CHD8: variants seen among roughly 807,000 people sequenced by gnomAD.
CHD8 encodes ATP-dependent chromatin remodeler CHD8.
A neutral mutation model predicts 279.2 loss-of-function variants in CHD8; 31 were observed. That is an observed-to-expected ratio of 0.11 (90% CI 0.08 to 0.15). The LOEUF is 0.15. Ranked by LOEUF, CHD8 falls within the 10% of genes least tolerant of loss-of-function variation. The pLI is 1.00. For missense variants in CHD8, 2,146 were observed against 3,230.5 expected (o/e 0.66, Z 8.14); for synonymous variants, 1,081 against 1,139.6 (o/e 0.95, Z 1.04).
chr14:21,452,647 GA>G lies in CHD8; in HGVS notation c.-216+3384del, dbSNP rs1348233856. Reference sequence around the variant, plus strand: ...AGACACAGGGAGACTTGTCTCAAAAGAAAAAAAAAAAAGAAAACTTCATACA... The same window carrying G: ...AGACACAGGGAGACTTGTCTCAAAAGAAAAAAAAAAAGAAAACTTCATACA... On this transcript the variant is annotated intron_variant, in intron 1 of 37. Coordinates refer to ENST00000646647, the MANE Select transcript of CHD8 (RefSeq NM_001170629.2). 7.0e-3 allele frequency among the ~76,000 whole-genome samples: 936 copies of G among 132,912 alleles called. 10 individuals are homozygous for G. The highest frequency in any genetic ancestry group is 0.023 in the African/African-American group (832 of 36,754). 87.2% of individuals were successfully genotyped at this position (132,912 alleles called of 152,430 possible).
In CHD8 at chr14:21,395,827, T is replaced by G. The variant is rs2139452291; in HGVS notation, c.5117A>C (p.Gln1706Pro). The change falls in exon 28 of 38, where the codon CAA becomes CCA. Residue 1706 changes from glutamine (Q) to proline (P), a missense_variant. This residue lies in a region of CHD8 where 75 missense variants were observed against 81.3 expected (regional missense o/e 0.92). Coordinates refer to ENST00000646647, the MANE Select transcript of CHD8 (RefSeq NM_001170629.2). ...ATGAGAATTCCTTACCTCATCATCTTGGTCCTTTGGGGGACCTTGGAGTGG... is the reference window on the plus strand; with the variant it reads ...ATGAGAATTCCTTACCTCATCATCTGGGTCCTTTGGGGGACCTTGGAGTGG... ...YKPLQGPPKD[Q>P]DDEGDPLMMM... The G allele has an allele frequency of 6.2e-7, 1 of 1,602,482 alleles. No homozygotes were observed. The highest frequency in any genetic ancestry group is 8.5e-7 in the Non-Finnish European group (1 of 1,170,214).
At chr14:21,406,400 A>G (rs1048275319) in intron 14 of CHD8, among the ~76,000 whole-genome samples, 1 of 152,174 alleles carries the variant, frequency 6.6e-6, no homozygotes, top group African/African-American at 2.4e-5. Context: ...AGACTACCAC[A>G]CAAAGCAGCC....
At position 21,406,886 on chromosome 14, in the gene CHD8, C is replaced by T; in HGVS notation, c.2877G>A (p.Lys959=). ...EAHRLKNRNC[K]LLDSLKHMDL... ...CCATGTGCTTGAGACTATCAAGCAG[C>T]TTGCAATTACGGTTTTTCAGTCGAT... The change falls in exon 14 of 38, where the codon AAG becomes AAA. Residue 959 remains lysine, a synonymous_variant. Coordinates refer to ENST00000646647, the MANE Select transcript of CHD8 (RefSeq NM_001170629.2). 6.2e-7 allele frequency: 1 copy of T among 1,613,614 alleles called. No individual in the cohort carries two copies. Among genetic ancestry groups the T allele is most frequent in the Non-Finnish European group, 8.5e-7 (1 of 1,179,746 alleles).
Position 21,428,147 on chromosome 14 carries a change from C to T in CHD8, c.1323G>A (p.Gly441=), listed in dbSNP as rs763667251. The change falls in exon 4 of 38, where the codon GGG becomes GGA. Residue 441 remains glycine (G), a synonymous_variant. Transcript: ENST00000646647. ...GGTTTTCCTCCATTCCTGTCTTTCC[C>T]CCCGAATGAGGAGCAGAGCTTGCTG... ...SSPASSAPHS[G]GKTGMEENRR... 3.8e-5 allele frequency: 61 copies of T among 1,613,870 alleles called. 1 individual carries two copies. The Middle Eastern group carries it at 6.6e-4, about 17-fold the overall frequency.
intron 1 of CHD8, among the ~76,000 whole-genome samples, chr14:21,450,639 C>T (rs916856201): frequency 8.0e-5 from 12 of 150,280 alleles, no homozygotes; most frequent in African/African-American, 2.2e-4. Flanking sequence ...ACATAACAAA[C>T]ACAGTAAGAT....
At chr14:21,395,431 G>T (rs934811741) in intron 28 of CHD8, 79 bp from the exon 29 acceptor site, 4 of 954,408 alleles carry the variant, frequency 4.2e-6, no homozygotes, top group Non-Finnish European at 6.6e-6. Context: ...TCACTTTCTT[G>T]TGTGTGTCCT....
At chr14:21,411,540 C>T (rs1160284525) in intron 10 of CHD8, among the ~76,000 whole-genome samples, 1 of 152,176 alleles carries the variant, frequency 6.6e-6, no homozygotes, top group Non-Finnish European at 1.5e-5. Flanking sequence ...TGAACATTAA[C>T]ATCTTAAAAA....
Position 21,403,607 on chromosome 14 carries a change from C to G in CHD8, c.3364G>C (p.Asp1122His). Residue 1122 changes from aspartate (D) to histidine (H), a missense_variant, in exon 17 of 38, where the codon GAC becomes CAC. Asp to His is a moderately conservative substitution (Grantham distance 81, BLOSUM62 -1). Coordinates refer to ENST00000646647, the MANE Select transcript of CHD8 (RefSeq NM_001170629.2). The surrounding 1 kb of genome is among the most constrained non-coding windows in gnomAD (Gnocchi z 4.3). ...FREACHIIPH[D>H]FHLQAMVRSA... Reference sequence around the variant, plus strand: ...CGAACCATGGCCTGCAGGTGAAAGTCATGAGGTATAATATGGCAAGCTTCA... The same window carrying G: ...CGAACCATGGCCTGCAGGTGAAAGTGATGAGGTATAATATGGCAAGCTTCA... The G allele has an allele frequency of 3.1e-6, 5 of 1,610,166 alleles. No individual in the cohort carries two copies. The highest frequency in any genetic ancestry group is 4.2e-6 in the Non-Finnish European group (5 of 1,178,024).
Position 21,408,836 on chromosome 14 carries a change from A to C in CHD8, c.2365-11T>G. The C allele has an allele frequency of 6.2e-7, 1 of 1,601,620 alleles. No homozygotes were observed. ...TGCCTGCGGACGATTCTAAAAAACA[A>C]GACGTTTGAATAAATGGAGTGGAGA... is the stretch of plus-strand genomic sequence containing the variant. On this transcript the variant is annotated splice_polypyrimidine_tract_variant and intron_variant, in intron 11 of 37. Transcript: ENST00000646647. This position sits in a 1 kb window ranked among gnomAD's most constrained non-coding sequence, Gnocchi z 4.3.
At chr14:21,401,151 T>G in intron 21 of CHD8, 80 bp from the exon 22 acceptor site, 2 of 1,079,270 alleles carry the variant, frequency 1.9e-6, no homozygotes, top group East Asian at 2.6e-5. Context: ...GGGATTACAA[T>G]AACATTGGAT....
intron 27 of CHD8, chr14:21,397,339 CA>C (rs1283782020): frequency 3.9e-6 from 2 of 518,908 alleles, no homozygotes; most frequent in Admixed American, 3.9e-5. Context: ...CACTGGCACC[CA>C]AACCAGGGCA....
intron 1 of CHD8, among the ~76,000 whole-genome samples, chr14:21,450,095 CT>C (rs779387330): frequency 1.3e-5 from 2 of 152,030 alleles, no homozygotes; most frequent in Non-Finnish European, 2.9e-5. Context: ...TTGCTAGCCC[CT>C]ATTCAAAAAT....
Position 21,394,239 on chromosome 14 carries a change from T to C in CHD8, c.5599+38A>G, listed in dbSNP as rs376517220. The C allele has an allele frequency of 9.3e-6, 15 of 1,612,314 alleles. No homozygotes were observed. The East Asian group carries it at 1.3e-4, about 14-fold the overall frequency. ...GAAGAAATTAACAGAGTTGCTTCTG[T>C]TGGCATCCATCCTCACCCACTCTGC... On this transcript the variant is annotated intron_variant, in intron 31 of 37. Coordinates refer to ENST00000646647, the MANE Select transcript of CHD8 (RefSeq NM_001170629.2).
At position 21,425,927 on chromosome 14, in the gene CHD8, ACT is replaced by A. The variant is rs561681283; in HGVS notation, c.1716+199_1716+200del. The stretch of plus-strand genomic sequence containing the variant: ...CTTCAGGCCTGGGTGAGAGAGCAAG[ACT>A]CTGTCTCAAGAAGAAGAAAACAACA... On this transcript the variant is annotated intron_variant, in intron 5 of 37. Transcript: ENST00000646647. 293 of 542,870 alleles carry A rather than the reference ACT, an allele frequency of 5.4e-4. 1 individual carries two copies. The highest frequency in any genetic ancestry group is 3.6e-3 in the Middle Eastern group (8 of 2,212). The allele number at this position is 542,870 out of a possible 1,614,324, so 33.6% of individuals were successfully genotyped here. A position where few individuals can be genotyped will look rare whatever the true frequency, so the allele number is the denominator to read the frequency against.
At chr14:21,415,542 T>TAAAA (rs1555316448) in intron 7 of CHD8, 32 bp downstream of exon 7, 44 of 1,078,824 alleles carry the variant, frequency 4.1e-5, no homozygotes, top group Middle Eastern at 3.2e-4. Flanking sequence ...AATAAATAAA[T>TAAAA]AAAAATAATA....
At chr14:21,446,692 A>G (rs1890129410) in intron 1 of CHD8, among the ~76,000 whole-genome samples, 1 of 152,212 alleles carries the variant, frequency 6.6e-6, no homozygotes. Flanking sequence ...AAGAGATAAT[A>G]CCTTGCCCAA....
intron 1 of CHD8, among the ~76,000 whole-genome samples, chr14:21,445,272 C>T (rs1890083616): frequency 6.6e-6 from 1 of 152,198 alleles, no homozygotes; most frequent in Non-Finnish European, 1.5e-5. Context: ...CTTCAAAGCT[C>T]ATTTCAACAA....
rs188057332 is a variant in CHD8 at position 21,455,362 on chromosome 14, C to G, written c.-216+670G>C. ...TAAATAAACTGCATTCGTTCCAAAG[C>G]AGGGGGAAGGGTCTTCTATCAGTGA... On this transcript the variant is annotated intron_variant, in intron 1 of 37. Transcript: ENST00000646647. Among the ~76,000 whole-genome samples the G allele has an allele frequency of 1.3e-3, 203 of 152,266 alleles. 1 individual carries two copies. The highest frequency in any genetic ancestry group is 4.7e-3 in the African/African-American group (197 of 41,540).
chr14:21,389,718 G>C lies in CHD8; in HGVS notation c.7182+1229C>G, dbSNP rs1311722419. Among the ~76,000 whole-genome samples, 4 of 152,200 alleles carry C rather than the reference G, an allele frequency of 2.6e-5. 1 individual carries two copies. The highest frequency in any genetic ancestry group is 1.5e-5 in the Non-Finnish European group (1 of 68,046). On this transcript the variant is annotated intron_variant, in intron 37 of 37. Transcript: ENST00000646647. ...ATTTGGTGGAAAGAATAAACTGTGG[G>C]TACTTAGTCCACCAAATGGCCTATT...
Sources: gnomAD v4.1 joint callset for allele counts (sites outside exome capture counted in the v4.1 genomes callset) on GRCh38, gnomAD v4.1.1 for gene constraint, gnomAD v4.1.1 regional missense constraint, Gnocchi (gnomAD v3.1) non-coding constraint, MANE v1.5 for transcripts, NCBI Gene and HGNC (gene_info 2026-07-23, HGNC 2026-07-21) for gene names.